DIPK2A: variants seen among roughly 807,000 people sequenced by gnomAD.
DIPK2A encodes the protein divergent protein kinase domain 2A.
Under a neutral mutation model 39.0 loss-of-function variants are expected in DIPK2A, and 27 were observed. The ratio of observed to expected loss-of-function variants is 0.69; its 90% CI spans 0.51 to 0.96. The LOEUF is 0.96. DIPK2A is among the 40% of genes least tolerant of loss of function. DIPK2A has a pLI of 0.00. For missense variants in DIPK2A, 528 were observed against 571.3 expected (o/e 0.92, Z 0.77); for synonymous variants, 298 against 240.8 (o/e 1.24, Z -2.20).
intron 1 of DIPK2A, among the ~76,000 whole-genome samples, chr3:143,974,068 G>A (rs1456935264): frequency 6.6e-6 from 1 of 151,672 alleles, no homozygotes; most frequent in Non-Finnish European, 1.5e-5. Flanking sequence ...AGTAATTTTG[G>A]TATACTTCAC....
At chr3:143,981,503 A>C (rs2087828824) in intron 1 of DIPK2A, among the ~76,000 whole-genome samples, 1 of 152,184 alleles carries the variant, frequency 6.6e-6, no homozygotes, top group South Asian at 2.1e-4. Context: ...GCTTAATATT[A>C]AACTCATCCT....
chr3:143,974,598 A>G (rs1253501120), intron 1 of DIPK2A, among the ~76,000 whole-genome samples: 1 of 152,222 alleles, frequency 6.6e-6, no homozygotes, highest in Non-Finnish European at 1.5e-5. Flanking sequence ...ATTTTGCTGA[A>G]GTAGATACCC....
intron 1 of DIPK2A, among the ~76,000 whole-genome samples, chr3:143,977,267 A>C (rs2107840362): frequency 6.6e-6 from 1 of 152,218 alleles, no homozygotes; most frequent in East Asian, 1.9e-4. Flanking sequence ...CTATTGGATT[A>C]GATCCTTTTC....
At position 143,990,664 on chromosome 3, in the gene DIPK2A, T is replaced by G. The variant is rs1340466942; in HGVS notation, c.*823T>G. On this transcript the variant is annotated 3_prime_UTR_variant, in exon 3 of 3. Transcript: ENST00000315691. ...TATACTAGAATCTATATATTGATGT[T>G]AATTTTGATTCAGAAAAAAAATACA... The G allele has an allele frequency of 6.6e-6, 1 of 152,604 alleles. No individual in the cohort carries two copies. The highest frequency in any genetic ancestry group is 2.4e-5 in the African/African-American group (1 of 41,454). The allele number at this position is 152,604 out of a possible 1,614,324, so 9.5% of individuals were successfully genotyped here.
Position 143,989,634 on chromosome 3 carries a change from T to C in DIPK2A, c.1086T>C (p.Ala362=), listed in dbSNP as rs761118131. The stretch of plus-strand genomic sequence containing the variant: ...CCACTGTGGACCACAATTACTATGC[T>C]GTTTGTCAGAACCTCTTATCCAGAC... ...ARATVDHNYY[A]VCQNLLSRHA... Residue 362 remains alanine (A), a synonymous_variant, in exon 3 of 3, where the codon GCT becomes GCC. Transcript: ENST00000315691. The C allele has an allele frequency of 6.2e-7, 1 of 1,614,232 alleles. No homozygotes were observed. The highest frequency in any genetic ancestry group is 8.5e-7 in the Non-Finnish European group (1 of 1,180,036).
rs1028237021 is a variant in DIPK2A, at chr3:143,972,777, C to T, written c.445C>T (p.Leu149Phe). The stretch of plus-strand genomic sequence containing the variant: ...CATGCCCCGGACCGAGTTCGCGCGC[C>T]TCAACGGCGACGTGCGTCTGCTCAC... ...QAMPRTEFAR[L>F]NGDVRLLTPE... is the part of the protein sequence containing the mutation. The change falls in exon 1 of 3, where the codon CTC becomes TTC. Residue 149 changes from leucine to phenylalanine, a missense_variant. Transcript: ENST00000315691. The T allele has an allele frequency of 2.5e-6, 4 of 1,570,360 alleles. No homozygotes were observed. Among genetic ancestry groups the T allele is most frequent in the Admixed American group, 1.8e-5 (1 of 55,304 alleles).
chr3:143,973,238 C>A lies in DIPK2A; in HGVS notation c.657+249C>A, dbSNP rs932667670. ...GCGCATTTCGGATTTGACTGTGGAT[C>A]TTTCAACGCCAGAGGGAGTGCGTCT... On this transcript the variant is annotated intron_variant, in intron 1 of 2. Coordinates refer to ENST00000315691, the MANE Select transcript of DIPK2A (RefSeq NM_173552.5). The A allele has an allele frequency of 7.8e-6, 9 of 1,149,714 alleles. No individual in the cohort carries two copies. The African/African-American group carries it at 1.2e-4, about 16-fold the overall frequency. The allele number at this position is 1,149,714 out of a possible 1,614,324, so 71.2% of individuals were successfully genotyped here.
At chr3:143,978,674 A>G (rs369201015) in intron 1 of DIPK2A, among the ~76,000 whole-genome samples, 1 of 43,244 alleles carries the variant, frequency 2.3e-5, no homozygotes, top group Non-Finnish European at 4.1e-5. Flanking sequence ...ATATAGATAT[A>G]TATATATCTA....
At chr3:143,975,432 G>A (rs1231186954) in intron 1 of DIPK2A, among the ~76,000 whole-genome samples, 1 of 152,038 alleles carries the variant, frequency 6.6e-6, no homozygotes, top group African/African-American at 2.4e-5. Flanking sequence ...GAATTTACAA[G>A]TCTGAACAAT....
intron 2 of DIPK2A, 23 bp downstream of exon 2, chr3:143,985,869 T>G: frequency 6.4e-7 from 1 of 1,551,952 alleles, no homozygotes; most frequent in Non-Finnish European, 8.7e-7. Flanking sequence ...TTTTAGATTT[T>G]TTTCTACTCA....
At chr3:143,989,469 TA>T in intron 2 of DIPK2A, 40 bp from the exon 3 acceptor site, 2 of 1,384,890 alleles carry the variant, frequency 1.4e-6, no homozygotes, top group African/African-American at 1.5e-5. Flanking sequence ...GAAAACTATT[TA>T]AAAAATTTTT....
At chr3:143,980,096 C>T (rs543317326) in intron 1 of DIPK2A, among the ~76,000 whole-genome samples, 2 of 152,286 alleles carry the variant, frequency 1.3e-5, no homozygotes, top group Admixed American at 6.5e-5. Flanking sequence ...TACTATATCT[C>T]CCCTCCAGAC....
At chr3:143,973,139 G>A (rs1159157297) in intron 1 of DIPK2A, 150 bp downstream of exon 1, 6 of 1,170,802 alleles carry the variant, frequency 5.1e-6, no homozygotes, top group East Asian at 2.5e-5. Flanking sequence ...GTCTCCGGGG[G>A]AGCCCCGGGG....
chr3:143,980,653 CCA>C (rs2087815516), intron 1 of DIPK2A, among the ~76,000 whole-genome samples: 1 of 151,000 alleles, frequency 6.6e-6, no homozygotes, highest in Admixed American at 6.6e-5. Context: ...TGTAGAAATG[CCA>C]GTTATGTAGA....
At chr3:143,988,543 C>G (rs1040325871) in intron 2 of DIPK2A, among the ~76,000 whole-genome samples, 5 of 151,646 alleles carry the variant, frequency 3.3e-5, no homozygotes, top group African/African-American at 9.7e-5. Flanking sequence ...CCAAAAATGT[C>G]TCTTCCTTCT....
At chr3:143,973,223 G>C (rs1329554091) in intron 1 of DIPK2A, 1 of 1,107,524 alleles carries the variant, frequency 9.0e-7, no homozygotes. Flanking sequence ...GCGCATTTCG[G>C]ATTTGACTGT....
At chr3:143,973,210 C>G in intron 1 of DIPK2A, 1 of 1,037,438 alleles carries the variant, frequency 9.6e-7, no homozygotes, top group Middle Eastern at 2.0e-4. Context: ...TACCTAGATT[C>G]GGGCGCATTT....
Position 143,989,972 on chromosome 3 carries a change from C to G in DIPK2A, c.*131C>G. 1 of 654,914 alleles carries G rather than the reference C, an allele frequency of 1.5e-6. No individual in the cohort carries two copies. The allele number at this position is 654,914 out of a possible 1,614,324, so 40.6% of individuals were successfully genotyped here. ...GGATGATAAACTTGCACTGATAGAT[C>G]TTAATGTTAACATCCATCAAAATAA... On this transcript the variant is annotated 3_prime_UTR_variant, in exon 3 of 3. Coordinates refer to ENST00000315691, the MANE Select transcript of DIPK2A (RefSeq NM_173552.5).
chr3:143,973,562 G>A lies in DIPK2A; in HGVS notation c.657+573G>A, dbSNP rs1352941559. The A allele has an allele frequency of 3.2e-6, 5 of 1,547,592 alleles. No homozygotes were observed. The African/African-American group carries it at 4.1e-5, about 13-fold the overall frequency. Reference sequence around the variant, plus strand: ...AGTCGGAGAACGGGACAGTGGTCGGGGTGGGTTTAATCTGTGAGCCGAGCT... The same window carrying A: ...AGTCGGAGAACGGGACAGTGGTCGGAGTGGGTTTAATCTGTGAGCCGAGCT... On this transcript the variant is annotated intron_variant, in intron 1 of 2. Coordinates refer to ENST00000315691, the MANE Select transcript of DIPK2A (RefSeq NM_173552.5).
Sources: gnomAD v4.1 joint callset for allele counts (sites outside exome capture counted in the v4.1 genomes callset) on GRCh38, gnomAD v4.1.1 for gene constraint, MANE v1.5 for transcripts, NCBI Gene and HGNC (gene_info 2026-07-23, HGNC 2026-07-21) for gene names.